ALDH2: variants seen among roughly 807,000 people sequenced by gnomAD.
ALDH2 encodes aldehyde dehydrogenase 2 family member.
Under a neutral mutation model 59.6 loss-of-function variants are expected in ALDH2, and 44 were observed. The observed-to-expected ratio is 0.74, with a 90% confidence interval of 0.58 to 0.95. The LOEUF (loss-of-function observed/expected upper bound fraction) is 0.95, where lower values mean the gene tolerates loss of function less well. ALDH2 is among the 40% of genes least tolerant of loss of function. The probability of loss-of-function intolerance (pLI) is 0.00; values close to 1 mark genes in which losing one functional copy is unlikely to be tolerated. For synonymous variants in ALDH2, 291 were observed against 284.0 expected, an observed-to-expected ratio of 1.02 and a Z score of -0.25; for missense variants, 570 against 696.3, an observed-to-expected ratio of 0.82 and a Z score of 2.04.
intron 2 of ALDH2, among the ~76,000 whole-genome samples, chr12:111,782,391 T>C (rs568720325): frequency 2.0e-5 from 3 of 152,234 alleles, no homozygotes; most frequent in African/African-American, 4.8e-5. Context: ...TAATATTCTG[T>C]TTAAAATTTT....
intron 6 of ALDH2, among the ~76,000 whole-genome samples, chr12:111,790,854 A>C (rs2068352333): frequency 6.6e-6 from 1 of 152,146 alleles, no homozygotes; most frequent in South Asian, 2.1e-4. Context: ...CAGGAGTTTG[A>C]GACCAGCCTG....
At chr12:111,777,830 C>T (rs925398192) in intron 1 of ALDH2, among the ~76,000 whole-genome samples, 1 of 152,106 alleles carries the variant, frequency 6.6e-6, no homozygotes, top group Non-Finnish European at 1.5e-5. Context: ...CCAGCCCTCC[C>T]GTGGAAAGAA....
Position 111,797,928 on chromosome 12 carries a change from A to G in ALDH2, c.1084-150A>G, listed in dbSNP as rs543854266. 9.7e-5 allele frequency: 82 copies of G among 843,942 alleles called. 2 individuals carry two copies. The East Asian group carries it at 1.4e-3, about 15-fold the overall frequency. 52.3% of individuals were successfully genotyped at this position (843,942 alleles called of 1,614,324 possible). A position where few individuals can be genotyped will look rare whatever the true frequency, so the allele number is the denominator to read the frequency against. ...TTGGGCCTTTTTTGTGTTTTCTGCT[A>G]TTGGCCCTGTGTGTTTCCTCTTCTG... On this transcript the variant is annotated intron_variant, in intron 9 of 12. Coordinates refer to ENST00000261733, the MANE Select transcript of ALDH2 (RefSeq NM_000690.4).
At chr12:111,792,011 C>A in intron 7 of ALDH2, 50 bp from the exon 8 acceptor site, 2 of 1,211,974 alleles carry the variant, frequency 1.7e-6, no homozygotes, top group Non-Finnish European at 2.5e-6. Flanking sequence ...GAGTGCTGGA[C>A]TCTTTTCTCC....
At chr12:111,806,937 C>T (rs543721548) in intron 12 of ALDH2, among the ~76,000 whole-genome samples, 1 of 151,550 alleles carries the variant, frequency 6.6e-6, no homozygotes, top group Admixed American at 6.6e-5. Context: ...CCACTGTACT[C>T]CAGCCTGGGC....
chr12:111,802,602 A>T (rs1047020243), intron 11 of ALDH2, among the ~76,000 whole-genome samples: 1 of 150,642 alleles, frequency 6.6e-6, no homozygotes, highest in Non-Finnish European at 1.5e-5. Context: ...GAAAAAGGGC[A>T]GGGCGCTGTG....
At chr12:111,794,259 C>T (rs2068384792) in intron 9 of ALDH2, among the ~76,000 whole-genome samples, 1 of 152,040 alleles carries the variant, frequency 6.6e-6, no homozygotes, top group African/African-American at 2.4e-5. Flanking sequence ...ACCTCGTGAT[C>T]CACCCACCTC....
At chr12:111,780,951 A>G (rs953501848) in intron 1 of ALDH2, among the ~76,000 whole-genome samples, 8 of 152,026 alleles carry the variant, frequency 5.3e-5, no homozygotes. Context: ...TCTACAAGAA[A>G]TACAAAAATT....
chr12:111,787,006 A>G (rs968408580), intron 4 of ALDH2, among the ~76,000 whole-genome samples: 1 of 152,084 alleles, frequency 6.6e-6, no homozygotes, highest in African/African-American at 2.4e-5. Context: ...GAAGTCCAAG[A>G]GGAGCCTGGC....
chr12:111,797,234 A>G (rs1375136748), intron 9 of ALDH2, among the ~76,000 whole-genome samples: 1 of 152,172 alleles, frequency 6.6e-6, no homozygotes, highest in Non-Finnish European at 1.5e-5. Flanking sequence ...CCCCTGGCCC[A>G]AGCTTTCCTT....
At chr12:111,776,482 C>T (rs544785642) in intron 1 of ALDH2, among the ~76,000 whole-genome samples, 24 of 152,048 alleles carry the variant, frequency 1.6e-4, no homozygotes, top group South Asian at 2.1e-4. Flanking sequence ...AAACCCAGGC[C>T]GGGCATGGTG....
chr12:111,771,784 G>T (rs1250793134), intron 1 of ALDH2, among the ~76,000 whole-genome samples: 1 of 152,088 alleles, frequency 6.6e-6, no homozygotes, highest in Non-Finnish European at 1.5e-5. Context: ...GAGGACTCTG[G>T]CTTCATTTAA....
Position 111,791,397 on chromosome 12 carries a change from T to A in ALDH2, c.773T>A (p.Val258Glu). ...AIASHEDVDK[V>E]AFTGSTEIGR... ...GCCTCCCATGAGGATGTGGACAAAG[T>A]GGCATTCACAGGCTCCACTGAGGTA... Residue 258 changes from valine to glutamate, a missense_variant, in exon 7 of 13, where the codon GTG (valine) becomes GAG (glutamate). By Grantham distance (121) the Val-to-Glu change is moderately radical (BLOSUM62 -2). Coordinates refer to ENST00000261733, the MANE Select transcript of ALDH2 (RefSeq NM_000690.4). The A allele has an allele frequency of 6.2e-7, 1 of 1,613,804 alleles. No individual in the cohort carries two copies. Among genetic ancestry groups the A allele is most frequent in the Non-Finnish European group, 8.5e-7 (1 of 1,179,820 alleles).
At chr12:111,773,520 C>G (rs796279288) in intron 1 of ALDH2, among the ~76,000 whole-genome samples, 1 of 152,152 alleles carries the variant, frequency 6.6e-6, no homozygotes. Context: ...TCATCCTACC[C>G]GCAACTCTAT....
chr12:111,775,711 C>T (rs956024095), intron 1 of ALDH2: 7 of 455,388 alleles, frequency 1.5e-5, no homozygotes, highest in African/African-American at 4.0e-5. Flanking sequence ...AGAGCGTTTA[C>T]GTGTGTTATG....
chr12:111,779,760 T>G (rs1011362469), intron 1 of ALDH2, among the ~76,000 whole-genome samples: 8 of 152,176 alleles, frequency 5.3e-5, no homozygotes, highest in Admixed American at 1.3e-4. Context: ...GAGGTGACCA[T>G]GGACCCTGCC....
chr12:111,802,696 C>T (rs1319836707), intron 11 of ALDH2, among the ~76,000 whole-genome samples: 3 of 148,616 alleles, frequency 2.0e-5, no homozygotes, highest in African/African-American at 5.0e-5. Flanking sequence ...CTGGCTAACA[C>T]AGTGAAACCC....
At chr12:111,794,014 A>ATTTT (rs543884211) in intron 9 of ALDH2, among the ~76,000 whole-genome samples, 14 of 102,932 alleles carry the variant, frequency 1.4e-4, no homozygotes, top group African/African-American at 1.8e-4. Flanking sequence ...GCAACCACTG[A>ATTTT]TTTTTTTTTT....
chr12:111,799,806 G>A (rs1284813556), intron 10 of ALDH2, 100 bp from the exon 11 acceptor site: 2 of 1,388,004 alleles, frequency 1.4e-6, no homozygotes, highest in East Asian at 2.4e-5. Flanking sequence ...ATGGCTGGGG[G>A]CTTATCCCCC....
Sources: gnomAD v4.1 joint callset for allele counts (sites outside exome capture counted in the v4.1 genomes callset) on GRCh38, gnomAD v4.1.1 for gene constraint, MANE v1.5 for transcripts, NCBI Gene and HGNC (gene_info 2026-07-23, HGNC 2026-07-21) for gene names.